The following METTL8 variants were observed in gnomAD, a reference collection of about 807,000 sequenced individuals.
METTL8 encodes tRNA N(3)-cytidine methyltransferase METTL8, mitochondrial.
A neutral mutation model predicts 48.7 loss-of-function variants in METTL8; 32 were observed. That is an observed-to-expected ratio of 0.66 (90% CI 0.50 to 0.88). METTL8 has a LOEUF of 0.88. Among genes scored for constraint, METTL8 ranks in the 40% least tolerant of loss-of-function variants. The pLI, the probability that METTL8 is intolerant of heterozygous loss-of-function variation, is 0.00. For missense variants in METTL8, 464 were observed against 474.4 expected (o/e 0.98, Z 0.20); for synonymous variants, 136 against 157.1 (o/e 0.87, Z 1.01).
chr2:171,391,591 A>C (rs1688582226), intron 2 of METTL8, among the ~76,000 whole-genome samples: 1 of 152,228 alleles, frequency 6.6e-6, no homozygotes, highest in African/African-American at 2.4e-5. Context: ...CTTTCCAAAT[A>C]GGGTGGATTC....
chr2:171,344,236 A>C (rs1687056432), intron 3 of METTL8, among the ~76,000 whole-genome samples: 1 of 152,168 alleles, frequency 6.6e-6, no homozygotes, highest in South Asian at 2.1e-4. Flanking sequence ...GATAGATTTT[A>C]TTATTCCAAT....
chr2:171,431,866 C>T (rs1303994261), intron 1 of METTL8, among the ~76,000 whole-genome samples: 2 of 152,220 alleles, frequency 1.3e-5, no homozygotes, highest in Admixed American at 1.3e-4. Flanking sequence ...ACCTCTGGGG[C>T]TTCTGGGTTG....
intron 2 of METTL8, among the ~76,000 whole-genome samples, chr2:171,390,020 T>G (rs1006270549): frequency 6.6e-6 from 1 of 152,216 alleles, no homozygotes; most frequent in African/African-American, 2.4e-5. Flanking sequence ...GACTCTCCTG[T>G]TAAGGGCTAA....
chr2:171,416,480 G>C (rs1356140748), intron 1 of METTL8, among the ~76,000 whole-genome samples: 2 of 152,166 alleles, frequency 1.3e-5, no homozygotes, highest in East Asian at 1.9e-4. Flanking sequence ...AAAGTGCTGT[G>C]AGAAAATTTT....
intron 2 of METTL8, among the ~76,000 whole-genome samples, chr2:171,365,185 C>G (rs771267847): frequency 2.3e-4 from 35 of 152,148 alleles, no homozygotes; most frequent in Non-Finnish European, 3.1e-4. Context: ...CGGCATTCCA[C>G]AGGTTGCTCG....
At chr2:171,404,480 C>A (rs1689984876) in intron 1 of METTL8, among the ~76,000 whole-genome samples, 2 of 152,090 alleles carry the variant, frequency 1.3e-5, no homozygotes, top group Non-Finnish European at 2.9e-5. Flanking sequence ...GAGTGATTCA[C>A]TTCCTGGGCA....
Position 171,339,406 on chromosome 2 carries a change from T to C in METTL8, c.384A>G (p.Ser128=). ...DQKPEEKARE[S]SWDHVKTSAT... ...CACTAGTTTTTACATGATCCCATGA[T>C]GATTCTCTCGCCTTCTCTTCAGGTT... The change falls in exon 4 of 10, where the codon TCA becomes TCG. Residue 128 remains serine (S), a synonymous_variant. Transcript: ENST00000375258. 6.2e-7 allele frequency: 1 copy of C among 1,613,786 alleles called. No homozygotes were observed. The highest frequency in any genetic ancestry group is 8.5e-7 in the Non-Finnish European group (1 of 1,179,804).
chr2:171,412,074 A>G (rs1690810767), intron 1 of METTL8, among the ~76,000 whole-genome samples: 1 of 152,242 alleles, frequency 6.6e-6, no homozygotes, highest in African/African-American at 2.4e-5. Context: ...AAATAACAGA[A>G]GGCACTACTC....
At chr2:171,350,529 A>T (rs2105446186) in intron 3 of METTL8, among the ~76,000 whole-genome samples, 1 of 152,312 alleles carries the variant, frequency 6.6e-6, no homozygotes, top group South Asian at 2.1e-4. Flanking sequence ...ATCCTTGAGG[A>T]ATCGCCACAC....
chr2:171,434,508 C>T, upstream of METTL8: 2 of 1,523,212 alleles, frequency 1.3e-6, no homozygotes, highest in Non-Finnish European at 1.8e-6. Context: ...GCAGCGGCGG[C>T]TGCCCAGCAC....
intron 4 of METTL8, among the ~76,000 whole-genome samples, chr2:171,338,059 T>C (rs548753218): frequency 3.0e-4 from 46 of 152,316 alleles, no homozygotes; most frequent in Non-Finnish European, 5.4e-4. Context: ...GTTTTAAAAG[T>C]ATTAAAAATC....
At chr2:171,423,991 C>T (rs1390822228) in intron 1 of METTL8, among the ~76,000 whole-genome samples, 1 of 152,196 alleles carries the variant, frequency 6.6e-6, no homozygotes, top group Non-Finnish European at 1.5e-5. Flanking sequence ...CTACTGTGTG[C>T]AGCCTCAGGA....
intron 3 of METTL8, among the ~76,000 whole-genome samples, chr2:171,349,857 T>C (rs1683692727): frequency 6.6e-6 from 1 of 152,198 alleles, no homozygotes; most frequent in South Asian, 2.1e-4. Flanking sequence ...CATTTATTTA[T>C]TTTTATTGAT....
At chr2:171,398,539 G>A (rs1559174538) in intron 1 of METTL8, among the ~76,000 whole-genome samples, 1 of 152,106 alleles carries the variant, frequency 6.6e-6, no homozygotes, top group African/African-American at 2.4e-5. Context: ...AATGGATAGG[G>A]GAGGGGCGAG....
At chr2:171,348,900 G>A (rs1683581921) in intron 3 of METTL8, among the ~76,000 whole-genome samples, 1 of 152,150 alleles carries the variant, frequency 6.6e-6, no homozygotes, top group Non-Finnish European at 1.5e-5. Flanking sequence ...GAGAATATAA[G>A]AGTTGGGTAA....
chr2:171,359,943 G>A (rs1162836193), intron 3 of METTL8, among the ~76,000 whole-genome samples: 1 of 152,096 alleles, frequency 6.6e-6, no homozygotes, highest in Non-Finnish European at 1.5e-5. Context: ...CATTTATGAA[G>A]GTTGGCAAGG....
chr2:171,394,804 T>C (rs1285991586), intron 1 of METTL8, among the ~76,000 whole-genome samples: 5 of 152,232 alleles, frequency 3.3e-5, no homozygotes, highest in East Asian at 1.9e-4. Flanking sequence ...ATGAATTGTT[T>C]GACTGATTAC....
In METTL8 at chr2:171,330,651, A is replaced by T. The variant is rs762672914; in HGVS notation, c.768T>A (p.Asp256Glu). Residue 256 changes from aspartate to glutamate, a missense_variant, in exon 7 of 10, where the codon GAT becomes GAA. Coordinates refer to ENST00000375258, the MANE Select transcript of METTL8 (RefSeq NM_001321154.2). ...RATQCFAFVH[D>E]VCDDGLPYPF... ...GGTAAGGTAAGCCATCATCACATACATCATGAACAAAGGCAAAACACTGGG... is the reference window on the plus strand; with the variant it reads ...GGTAAGGTAAGCCATCATCACATACTTCATGAACAAAGGCAAAACACTGGG... The T allele has an allele frequency of 1.2e-6, 2 of 1,613,660 alleles. No homozygotes were observed. The highest frequency in any genetic ancestry group is 2.2e-5 in the South Asian group (2 of 91,036).
intron 1 of METTL8, among the ~76,000 whole-genome samples, chr2:171,403,734 A>G (rs544789404): frequency 2.0e-5 from 3 of 152,136 alleles, no homozygotes; most frequent in African/African-American, 7.2e-5. Flanking sequence ...AGTGTTCTAA[A>G]ATTAAAAATG....
Sources: gnomAD v4.1 joint callset for allele counts (sites outside exome capture counted in the v4.1 genomes callset) on GRCh38, gnomAD v4.1.1 for gene constraint, MANE v1.5 for transcripts, NCBI Gene and HGNC (gene_info 2026-07-23, HGNC 2026-07-21) for gene names.